SDK2: variants seen among roughly 807,000 people sequenced by gnomAD.
The protein encoded by SDK2 is protein sidekick-2.
A neutral mutation model predicts 253.9 loss-of-function variants in SDK2; 105 were observed. The ratio of observed to expected loss-of-function variants is 0.41; its 90% CI spans 0.35 to 0.49. The LOEUF (loss-of-function observed/expected upper bound fraction) is 0.49. SDK2 is among the 20% of genes least tolerant of loss of function. The pLI, the probability that SDK2 is intolerant of heterozygous loss-of-function variation, is 0.06. For synonymous variants in SDK2, 1,249 were observed against 1,234.9 expected, an observed-to-expected ratio of 1.01 and a Z score of -0.24; for missense variants, 2,608 against 3,003.0, an observed-to-expected ratio of 0.87 and a Z score of 3.07.
chr17:73,481,188 G>A lies in SDK2; in HGVS notation c.225-8970C>T, dbSNP rs187307219. On this transcript the variant is annotated intron_variant, in intron 2 of 44. Transcript: ENST00000392650. This position sits in a 1 kb window ranked among gnomAD's most constrained non-coding sequence, Gnocchi z 4.5. ...CGGGGTTCCAGAATCCTTGGAAGGT[G>A]GGGGAGGGCCCTGGACTTGTCCCCT... 1.6e-4 allele frequency among the ~76,000 whole-genome samples: 25 copies of A among 152,272 alleles called. No homozygotes were observed. Among genetic ancestry groups the A allele is most frequent in the African/African-American group, 5.3e-4 (22 of 41,556 alleles).
In SDK2 at chr17:73,447,277, T is replaced by G. The variant is rs1024929990; in HGVS notation, c.613+338A>C. Among the ~76,000 whole-genome samples the G allele has an allele frequency of 6.6e-6, 1 of 151,960 alleles. No homozygotes were observed. The highest frequency in any genetic ancestry group is 1.5e-5 in the Non-Finnish European group (1 of 67,970). ...CTCCTGGTCAGCATCTGAGCCCCGATAGTGGCTGCAACTCACACATGCACA... is the reference window on the plus strand; with the variant it reads ...CTCCTGGTCAGCATCTGAGCCCCGAGAGTGGCTGCAACTCACACATGCACA... On this transcript the variant is annotated intron_variant, in intron 5 of 44. Transcript: ENST00000392650. This position sits in a 1 kb window ranked among gnomAD's most constrained non-coding sequence, Gnocchi z 4.0.
At position 73,431,573 on chromosome 17, in the gene SDK2, G is replaced by T; in HGVS notation, c.1409C>A (p.Ala470Glu). The T allele has an allele frequency of 1.2e-6, 2 of 1,613,662 alleles. No individual in the cohort carries two copies. The highest frequency in any genetic ancestry group is 1.7e-6 in the Non-Finnish European group (2 of 1,179,762). ...LLISPTHISD[A>E]GTYTCLATNS... ...GGTGGCCAGGCAGGTGTAGGTCCCC[G>T]CATCGGAGATGTGTGTGGGGCTGAT... The change falls in exon 11 of 45, where the codon GCG becomes GAG. Residue 470 changes from alanine to glutamate, a missense_variant. Ala to Glu is a moderately radical substitution (Grantham distance 107). This residue lies in a region of SDK2 where 1,505 missense variants were observed against 1,859.1 expected (regional missense o/e 0.81). Transcript: ENST00000392650. This position sits in a 1 kb window ranked among gnomAD's most constrained non-coding sequence, Gnocchi z 5.6.
At chr17:73,360,811 C>G (rs1020376242) in intron 39 of SDK2, among the ~76,000 whole-genome samples, 4 of 151,146 alleles carry the variant, frequency 2.6e-5, no homozygotes, top group African/African-American at 9.7e-5. Flanking sequence ...TAGAAATCAC[C>G]TGTAATCCCA....
chr17:73,429,052 G>A (rs1400806113), intron 12 of SDK2, among the ~76,000 whole-genome samples: 1 of 152,178 alleles, frequency 6.6e-6, no homozygotes, highest in Non-Finnish European at 1.5e-5. Flanking sequence ...ACTGTCTAGA[G>A]AATGAATACA....
At chr17:73,344,377 C>T (rs973537267) in intron 44 of SDK2, among the ~76,000 whole-genome samples, 2 of 152,168 alleles carry the variant, frequency 1.3e-5, no homozygotes, top group African/African-American at 4.8e-5. Flanking sequence ...GGGTTGGAGG[C>T]AGTGAAGGCC....
chr17:73,575,312 A>G (rs2045443388), intron 1 of SDK2, among the ~76,000 whole-genome samples: 1 of 152,182 alleles, frequency 6.6e-6, no homozygotes, highest in Admixed American at 6.5e-5. Context: ...GTTCTCCCTC[A>G]TGGACTCCAA....
chr17:73,433,377 G>C (rs2063342613), intron 10 of SDK2, among the ~76,000 whole-genome samples: 1 of 152,110 alleles, frequency 6.6e-6, no homozygotes, highest in African/African-American at 2.4e-5. Flanking sequence ...CCACCTCCCA[G>C]GTTCAAGCGA....
At chr17:73,528,123 G>A (rs1433126984) in intron 1 of SDK2, among the ~76,000 whole-genome samples, 2 of 152,138 alleles carry the variant, frequency 1.3e-5, no homozygotes, top group African/African-American at 2.4e-5. Flanking sequence ...CAGGTGGAAC[G>A]TTCAGGTGCT....
chr17:73,572,588 C>G (rs1442212087), intron 1 of SDK2, among the ~76,000 whole-genome samples: 1 of 152,178 alleles, frequency 6.6e-6, no homozygotes, highest in Admixed American at 6.5e-5. Flanking sequence ...TATCGCCTTC[C>G]TATTCCCTGA....
At chr17:73,354,495 G>T (rs541043554) in intron 40 of SDK2, among the ~76,000 whole-genome samples, 4 of 152,174 alleles carry the variant, frequency 2.6e-5, no homozygotes, top group African/African-American at 7.2e-5. Context: ...GGGCTGATGG[G>T]GTCAGCCTGG....
intron 2 of SDK2, among the ~76,000 whole-genome samples, chr17:73,476,942 T>G (rs985408376): frequency 6.6e-6 from 1 of 152,010 alleles, no homozygotes; most frequent in Non-Finnish European, 1.5e-5. Context: ...CTCCTCCGCC[T>G]CCGTTTCTTT....
intron 1 of SDK2, among the ~76,000 whole-genome samples, chr17:73,636,066 A>C (rs1381435355): frequency 1.3e-5 from 2 of 152,206 alleles, no homozygotes; most frequent in African/African-American, 2.4e-5. Context: ...TTGTCTGGGC[A>C]TCTCCCTGGA....
At chr17:73,607,722 C>T (rs764653015) in intron 1 of SDK2, among the ~76,000 whole-genome samples, 8 of 152,190 alleles carry the variant, frequency 5.3e-5, no homozygotes, top group East Asian at 1.9e-4. Context: ...AGAGGCCACA[C>T]GGCTGGAAAG....
intron 2 of SDK2, among the ~76,000 whole-genome samples, chr17:73,495,597 G>A (rs2063835869): frequency 6.6e-6 from 1 of 151,858 alleles, no homozygotes; most frequent in South Asian, 2.1e-4. Flanking sequence ...CTGCCTCGCT[G>A]TTGGATATTG....
chr17:73,540,484 C>T (rs752714378), intron 1 of SDK2, among the ~76,000 whole-genome samples: 2 of 152,134 alleles, frequency 1.3e-5, no homozygotes, highest in Non-Finnish European at 2.9e-5. Flanking sequence ...CTCTCATCAC[C>T]GCTGTGATTC....
chr17:73,415,235 G>A (rs1055590394), intron 17 of SDK2, among the ~76,000 whole-genome samples: 2 of 152,076 alleles, frequency 1.3e-5, no homozygotes, highest in African/African-American at 2.4e-5. Context: ...GTGAGAACAG[G>A]CCACACAGCC....
chr17:73,431,940 C>T lies in SDK2; in HGVS notation c.1313-271G>A, dbSNP rs1433433921. Among the ~76,000 whole-genome samples the T allele has an allele frequency of 6.6e-5, 10 of 152,200 alleles. No individual in the cohort carries two copies. Among genetic ancestry groups the T allele is most frequent in the Admixed American group, 5.2e-4 (8 of 15,284 alleles). Reference sequence around the variant, plus strand: ...GCTCCTGTGCCCGCCACACCACGTGCCCTTCAACAGAGAAGGGGGCGCAGT... The same window carrying T: ...GCTCCTGTGCCCGCCACACCACGTGTCCTTCAACAGAGAAGGGGGCGCAGT... On this transcript the variant is annotated intron_variant, in intron 10 of 44. Coordinates refer to ENST00000392650, the MANE Select transcript of SDK2 (RefSeq NM_001144952.2). This position sits in a 1 kb window ranked among gnomAD's most constrained non-coding sequence, Gnocchi z 5.6.
At chr17:73,614,942 G>T (rs1416645673) in intron 1 of SDK2, among the ~76,000 whole-genome samples, 1 of 149,486 alleles carries the variant, frequency 6.7e-6, no homozygotes, top group Non-Finnish European at 1.5e-5. Flanking sequence ...AATATATCCA[G>T]GTAACAAACC....
At chr17:73,441,104 CCT>C (rs1006680026) in intron 5 of SDK2, among the ~76,000 whole-genome samples, 181 bp from the exon 6 acceptor site, 1 of 152,170 alleles carries the variant, frequency 6.6e-6, no homozygotes, top group African/African-American at 2.4e-5. Context: ...CCCTCTACTT[CCT>C]CTGTTGATGA....
Sources: gnomAD v4.1 joint callset for allele counts (sites outside exome capture counted in the v4.1 genomes callset) on GRCh38, gnomAD v4.1.1 for gene constraint, gnomAD v4.1.1 regional missense constraint, Gnocchi (gnomAD v3.1) non-coding constraint, MANE v1.5 for transcripts, NCBI Gene and HGNC (gene_info 2026-07-23, HGNC 2026-07-21) for gene names.